The following KIZ variants were observed in gnomAD, a reference collection of about 807,000 sequenced individuals.
KIZ encodes the protein kizuna centrosomal protein, also known as centrosomal protein kizuna.
Under a neutral mutation model 79.6 loss-of-function variants are expected in KIZ, and 68 were observed. The ratio of observed to expected loss-of-function variants is 0.85; its 90% confidence interval spans 0.70 to 1.05. The LOEUF (loss-of-function observed/expected upper bound fraction) is 1.05, where lower values mean the gene tolerates loss of function less well. KIZ is among the 50% of genes least tolerant of loss of function. The pLI is 0.00. For missense variants in KIZ, 797 were observed against 800.4 expected, an observed-to-expected ratio of 1.00 and a Z score of 0.05; for synonymous variants, 280 against 281.8, an observed-to-expected ratio of 0.99 and a Z score of 0.06.
chr20:21,181,542 T>C (rs2034655875), intron 6 of KIZ, among the ~76,000 whole-genome samples: 1 of 151,364 alleles, frequency 6.6e-6, no homozygotes, highest in African/African-American at 2.4e-5. Flanking sequence ...CACTGCAACC[T>C]CCACCTCCCA....
intron 6 of KIZ, among the ~76,000 whole-genome samples, chr20:21,190,974 G>C (rs1427786641): frequency 6.6e-6 from 1 of 152,160 alleles, no homozygotes; most frequent in African/African-American, 2.4e-5. Flanking sequence ...TGGAGGAGGA[G>C]GGAGGTGGAC....
intron 6 of KIZ, among the ~76,000 whole-genome samples, chr20:21,172,185 T>G (rs1336605552): frequency 6.6e-6 from 1 of 152,252 alleles, no homozygotes; most frequent in Non-Finnish European, 1.5e-5. Flanking sequence ...AGGGGTACAT[T>G]CATTTAACAT....
intron 1 of KIZ, among the ~76,000 whole-genome samples, chr20:21,131,711 C>T (rs373905456): frequency 6.6e-6 from 1 of 152,324 alleles, no homozygotes; most frequent in East Asian, 1.9e-4. Flanking sequence ...TATTAGTCTC[C>T]AGGCCTAGAA....
chr20:21,145,591 G>T lies in KIZ; in HGVS notation c.342G>T (p.Lys114Asn). 6.6e-7 allele frequency: 1 copy of T among 1,519,084 alleles called. No homozygotes were observed. Among genetic ancestry groups the T allele is most frequent in the Non-Finnish European group, 8.9e-7 (1 of 1,124,850 alleles). 94.1% of individuals were successfully genotyped at this position (1,519,084 alleles called of 1,614,324 possible). ...LKLEYETQIK[K>N]MLCSKDSLGL... Reference sequence around the variant, plus strand: ...TCGAATATGAGACTCAAATTAAGAAGATGCTATGCTCAAAAGATAGCCTGG... The same window carrying T: ...TCGAATATGAGACTCAAATTAAGAATATGCTATGCTCAAAAGATAGCCTGG... The change falls in exon 4 of 13, where the codon AAG becomes AAT. Residue 114 changes from lysine (K) to asparagine (N), a missense_variant. Physicochemically the swap from Lys to Asn is moderately conservative, Grantham distance 94 (BLOSUM62 0). Coordinates refer to ENST00000619189, the MANE Select transcript of KIZ (RefSeq NM_018474.6).
At chr20:21,211,918 G>A (rs150385846) in intron 7 of KIZ, among the ~76,000 whole-genome samples, 5 of 152,164 alleles carry the variant, frequency 3.3e-5, no homozygotes, top group East Asian at 1.9e-4. Context: ...GTGAAACCCC[G>A]TCTCTACTAA....
chr20:21,155,829 CT>C (rs1568927084), intron 4 of KIZ, among the ~76,000 whole-genome samples: 1 of 152,150 alleles, frequency 6.6e-6, no homozygotes. Context: ...TTGCTTCCAA[CT>C]TTTTATGATT....
Position 21,244,286 on chromosome 20 carries a change from A to G in KIZ, c.1922A>G (p.Asn641Ser). ...AAACCCGTGATCAATTTAAAATCTA[A>G]TGGTGAGAGAGATAATCGGACACTA... is the stretch of plus-strand genomic sequence containing the variant. ...KKKPVINLKS[N>S]ALWDESDDSN... The change falls in exon 12 of 13, where the codon AAT (asparagine) becomes AGT (serine). Residue 641 changes from asparagine to serine, a missense_variant and splice_region_variant. Transcript: ENST00000619189. 3 of 1,589,934 alleles carry G rather than the reference A, an allele frequency of 1.9e-6. No homozygotes were observed. The highest frequency in any genetic ancestry group is 2.6e-6 in the Non-Finnish European group (3 of 1,158,878).
chr20:21,221,188 T>C (rs1378939770), intron 9 of KIZ, among the ~76,000 whole-genome samples: 1 of 152,202 alleles, frequency 6.6e-6, no homozygotes, highest in East Asian at 1.9e-4. Flanking sequence ...ATTTCCCACA[T>C]TGACAATTTT....
At chr20:21,161,730 A>C (rs2033667756) in intron 4 of KIZ, 141 bp from the exon 5 acceptor site, 4 of 581,390 alleles carry the variant, frequency 6.9e-6, no homozygotes, top group Middle Eastern at 3.4e-4. Flanking sequence ...GTAGGAAGCC[A>C]TGAGTTTAAT....
chr20:21,223,850 G>T (rs1196844903), intron 9 of KIZ, among the ~76,000 whole-genome samples: 2 of 151,256 alleles, frequency 1.3e-5, no homozygotes, highest in Non-Finnish European at 2.9e-5. Flanking sequence ...TTGTATTTTT[G>T]TATTTATAGT....
chr20:21,128,940 A>G (rs931181182), intron 1 of KIZ, among the ~76,000 whole-genome samples: 1 of 152,218 alleles, frequency 6.6e-6, no homozygotes, highest in Non-Finnish European at 1.5e-5. Context: ...AAAACTCAGC[A>G]AGATAAGGAC....
chr20:21,194,997 A>G (rs947645324), intron 6 of KIZ: 5 of 152,228 alleles, frequency 3.3e-5, no homozygotes, highest in Non-Finnish European at 4.4e-5. Flanking sequence ...TGCAGTTGCT[A>G]TTCTCACCAG....
At chr20:21,173,423 T>C (rs1261774587) in intron 6 of KIZ, among the ~76,000 whole-genome samples, 2 of 151,412 alleles carry the variant, frequency 1.3e-5, no homozygotes, top group Admixed American at 6.6e-5. Context: ...ACTAAAAATA[T>C]AAAAATTAGC....
At chr20:21,149,660 A>G (rs2033018120) in intron 4 of KIZ, among the ~76,000 whole-genome samples, 1 of 152,188 alleles carries the variant, frequency 6.6e-6, no homozygotes, top group Admixed American at 6.5e-5. Context: ...CCCCAGTATG[A>G]GATGATGGAA....
intron 7 of KIZ, chr20:21,213,919 T>G (rs2036177275): frequency 6.6e-6 from 1 of 152,274 alleles, no homozygotes; most frequent in South Asian, 2.1e-4. Context: ...ACAGGCAAAG[T>G]GCAGACCATC....
chr20:21,156,397 A>C (rs1002467490), intron 4 of KIZ, among the ~76,000 whole-genome samples: 4 of 152,162 alleles, frequency 2.6e-5, no homozygotes, highest in Admixed American at 2.0e-4. Flanking sequence ...TCAGTCTTAG[A>C]CGTAGGGTTA....
rs754527224 is a variant in KIZ at position 21,162,301 on chromosome 20, G to A, written c.836G>A (p.Arg279Gln). The A allele has an allele frequency of 4.3e-6, 7 of 1,613,802 alleles. No homozygotes were observed. The highest frequency in any genetic ancestry group is 1.7e-4 in the Middle Eastern group (1 of 6,058). Residue 279 changes from arginine (R) to glutamine (Q), a missense_variant, in exon 5 of 13, where the codon CGG becomes CAG. Coordinates refer to ENST00000619189, the MANE Select transcript of KIZ (RefSeq NM_018474.6). ...KKSAELNSPLRERLSPENRTT... is the reference protein window; with the variant it reads ...KKSAELNSPLQERLSPENRTT... ...TCTGCTGAACTCAATTCCCCGTTAC[G>A]GGAAAGATTAAGTCCAGAGAACAGA...
chr20:21,244,396 C>G, intron 12 of KIZ, 108 bp downstream of exon 12: 1 of 764,816 alleles, frequency 1.3e-6, no homozygotes, highest in Non-Finnish European at 2.3e-6. Flanking sequence ...AGCGGGCATG[C>G]TCACAGGGAC....
rs186159871 is a variant in KIZ at position 21,143,688 on chromosome 20, G to C, written c.316-1877G>C. 7.2e-5 allele frequency among the ~76,000 whole-genome samples: 11 copies of C among 152,272 alleles called. No homozygotes were observed. The East Asian group carries it at 1.9e-3, about 27-fold the overall frequency. On this transcript the variant is annotated intron_variant, in intron 3 of 12. Coordinates refer to ENST00000619189, the MANE Select transcript of KIZ (RefSeq NM_018474.6). Reference sequence around the variant, plus strand: ...TGATGGATTAACTCAGTGCTCTTGGGTTTATTAAAACAGATTTCTTGGGTT... The same window carrying C: ...TGATGGATTAACTCAGTGCTCTTGGCTTTATTAAAACAGATTTCTTGGGTT...
Sources: allele counts gnomAD v4.1 joint callset (sites outside exome capture counted in the v4.1 genomes callset), GRCh38; gene constraint gnomAD v4.1.1; transcripts MANE v1.5; gene names NCBI Gene and HGNC (gene_info 2026-07-23, HGNC 2026-07-21).